OCA2: variants seen among roughly 807,000 people sequenced by gnomAD.
The protein encoded by OCA2 is P protein.
In OCA2, 77 loss-of-function variants were observed where a neutral mutation model predicts 100.2. That is an observed-to-expected ratio of 0.77 (90% CI 0.64 to 0.93). OCA2 has a LOEUF of 0.93. OCA2 is among the 40% of genes least tolerant of loss of function. The pLI is 0.00. For synonymous variants in OCA2, 432 were observed against 439.2 expected (o/e 0.98, Z 0.21); for missense variants, 1,062 against 1,089.1 (o/e 0.98, Z 0.35).
chr15:27,904,674 C>G (rs1333400953), intron 19 of OCA2, among the ~76,000 whole-genome samples: 1 of 152,166 alleles, frequency 6.6e-6, no homozygotes, highest in African/African-American at 2.4e-5. Context: ...TGGGGATACT[C>G]CAGCACAAAC....
intron 23 of OCA2, among the ~76,000 whole-genome samples, chr15:27,842,240 C>G (rs2035368254): frequency 6.6e-6 from 1 of 152,084 alleles, no homozygotes; most frequent in African/African-American, 2.4e-5. Flanking sequence ...GATTCAAAGG[C>G]TTTGTAAAAA....
chr15:27,737,674 G>T, the OCA2 span, among the ~76,000 whole-genome samples: 4 of 152,204 alleles, frequency 2.6e-5, no homozygotes, highest in Non-Finnish European at 5.9e-5. Flanking sequence ...ACCATGTTTT[G>T]GGAGGTGAGC....
chr15:27,967,331 A>C (rs944699067), intron 14 of OCA2, among the ~76,000 whole-genome samples: 3 of 152,196 alleles, frequency 2.0e-5, no homozygotes, highest in African/African-American at 7.2e-5. Context: ...GAAAATTGTT[A>C]ACGTTTGTTT....
chr15:27,774,945 C>T lies in OCA2; in HGVS notation c.2433-19473G>A, dbSNP rs114067589. Reference sequence around the variant, plus strand: ...ATACATGTCTGTTGTCTGAGCTACCCAGGCTGTGGTACTTTGTCCTGGCAG... The same window carrying T: ...ATACATGTCTGTTGTCTGAGCTACCTAGGCTGTGGTACTTTGTCCTGGCAG... On this transcript the variant is annotated intron_variant, in intron 23 of 23. Coordinates refer to ENST00000354638, the MANE Select transcript of OCA2 (RefSeq NM_000275.3). Among the ~76,000 whole-genome samples the T allele has an allele frequency of 5.0e-3, 769 of 152,294 alleles. 8 individuals carry two copies. The highest frequency in any genetic ancestry group is 0.018 in the African/African-American group (732 of 41,546).
chr15:27,877,584 T>G (rs1296685306), intron 19 of OCA2, among the ~76,000 whole-genome samples: 2 of 152,032 alleles, frequency 1.3e-5, no homozygotes, highest in African/African-American at 4.8e-5. Flanking sequence ...TCCAATTACA[T>G]TATGTGCACT....
At chr15:27,910,675 C>T (rs1050416438) in intron 19 of OCA2, among the ~76,000 whole-genome samples, 19 of 150,558 alleles carry the variant, frequency 1.3e-4, no homozygotes, top group South Asian at 2.1e-4. Context: ...AAAAAACATA[C>T]GGCTGGGTGT....
chr15:27,755,496 T>C, intron 23 of OCA2, 24 bp from the exon 24 acceptor site: 1 of 1,578,626 alleles, frequency 6.3e-7, no homozygotes, highest in Non-Finnish European at 8.7e-7. Flanking sequence ...AGAAATGAGT[T>C]ATGGCATCTG....
the OCA2 span, among the ~76,000 whole-genome samples, chr15:27,740,514 G>A: frequency 6.6e-6 from 1 of 152,144 alleles, no homozygotes; most frequent in Non-Finnish European, 1.5e-5. Context: ...GAGGTGAAGG[G>A]TGACTTAACC....
At chr15:28,081,590 A>T in intron 2 of OCA2, 58 bp downstream of exon 2, 1 of 1,534,118 alleles carries the variant, frequency 6.5e-7, no homozygotes, top group Non-Finnish European at 9.0e-7. Flanking sequence ...AACGATGCTC[A>T]TGGAAACCCA....
At chr15:27,875,122 G>A (rs77793025) in intron 19 of OCA2, among the ~76,000 whole-genome samples, 2,398 of 151,964 alleles carry the variant, frequency 0.016, 57 homozygotes, top group African/African-American at 0.051. Flanking sequence ...AAACAACAAC[G>A]AAAAAGAGAT....
At chr15:27,878,297 A>G (rs2036872627) in intron 19 of OCA2, among the ~76,000 whole-genome samples, 1 of 152,058 alleles carries the variant, frequency 6.6e-6, no homozygotes. Context: ...ACTATTTACC[A>G]TTTCTGCTGT....
intron 14 of OCA2, among the ~76,000 whole-genome samples, chr15:27,968,586 C>G (rs1427885509): frequency 1.3e-5 from 2 of 152,148 alleles, no homozygotes; most frequent in South Asian, 4.1e-4. Context: ...TGTGAAATCA[C>G]TTTCAACATT....
At chr15:27,839,892 G>A (rs542359163) in intron 23 of OCA2, among the ~76,000 whole-genome samples, 2 of 152,180 alleles carry the variant, frequency 1.3e-5, no homozygotes, top group African/African-American at 4.8e-5. Flanking sequence ...GAAACCAGAG[G>A]TAAGTTCCAT....
At chr15:28,022,060 G>C (rs1166753286) in intron 6 of OCA2, among the ~76,000 whole-genome samples, 1 of 152,226 alleles carries the variant, frequency 6.6e-6, no homozygotes, top group East Asian at 1.9e-4. Context: ...TACAGGATGT[G>C]TATGACTTCT....
chr15:28,055,440 C>T (rs2043660679), intron 2 of OCA2, among the ~76,000 whole-genome samples: 1 of 152,162 alleles, frequency 6.6e-6, no homozygotes, highest in Admixed American at 6.5e-5. Context: ...ATGCTGTTTC[C>T]CCTGAGAACC....
At chr15:28,004,357 C>T (rs962351744) in intron 9 of OCA2, among the ~76,000 whole-genome samples, 2 of 152,220 alleles carry the variant, frequency 1.3e-5, no homozygotes, top group African/African-American at 2.4e-5. Context: ...CCAGAGCACG[C>T]GCTCTGGAAA....
chr15:27,806,639 C>T (rs954480293), intron 23 of OCA2, among the ~76,000 whole-genome samples: 3 of 152,254 alleles, frequency 2.0e-5, no homozygotes, highest in Admixed American at 6.5e-5. Context: ...CGGCCTGTCC[C>T]TCCCGGCACT....
At chr15:27,837,672 T>A (rs2035202293) in intron 23 of OCA2, among the ~76,000 whole-genome samples, 1 of 152,020 alleles carries the variant, frequency 6.6e-6, no homozygotes, top group Non-Finnish European at 1.5e-5. Context: ...GGTGGATTTG[T>A]GTATAGACTA....
At chr15:28,064,992 T>C (rs1446688632) in intron 2 of OCA2, among the ~76,000 whole-genome samples, 1 of 152,150 alleles carries the variant, frequency 6.6e-6, no homozygotes, top group Non-Finnish European at 1.5e-5. Flanking sequence ...AAGGACTGTA[T>C]CCCTTTTCAT....
Sources: allele counts gnomAD v4.1 joint callset (sites outside exome capture counted in the v4.1 genomes callset), GRCh38; gene constraint gnomAD v4.1.1; transcripts MANE v1.5; gene names NCBI Gene and HGNC (gene_info 2026-07-23, HGNC 2026-07-21).